Variants in RNLS observed in about 807,000 individuals in gnomAD.
RNLS encodes the protein renalase, FAD dependent amine oxidase.
RNLS carries 39 observed loss-of-function variants against 39.8 expected under a neutral mutation model. The ratio of observed to expected loss-of-function variants is 0.98; its 90% CI spans 0.76 to 1.28. The LOEUF (loss-of-function observed/expected upper bound fraction) is 1.28, where lower values mean the gene tolerates loss of function less well. RNLS is among the 50% of genes most tolerant of loss of function. RNLS has a pLI of 0.00. For synonymous variants in RNLS, 147 were observed against 150.7 expected (o/e 0.98, Z 0.18); for missense variants, 410 against 413.3 (o/e 0.99, Z 0.07).
chr10:88,401,817 T>C (rs1443547276), intron 4 of RNLS, among the ~76,000 whole-genome samples: 2 of 152,002 alleles, frequency 1.3e-5, no homozygotes, highest in Non-Finnish European at 2.9e-5. Context: ...AAATCATACA[T>C]GGCTGCTGAA....
chr10:88,350,413 G>A (rs552193586), intron 5 of RNLS, among the ~76,000 whole-genome samples: 8 of 152,084 alleles, frequency 5.3e-5, no homozygotes, highest in Admixed American at 2.6e-4. Flanking sequence ...CCTGGTGTGC[G>A]ATGTTCTCCT....
chr10:88,447,363 C>T (rs1162892966), intron 4 of RNLS, among the ~76,000 whole-genome samples: 1 of 72,030 alleles, frequency 1.4e-5, no homozygotes, highest in Non-Finnish European at 2.4e-5. Flanking sequence ...TTCTTATACA[C>T]CAATAACAGA....
intron 4 of RNLS, among the ~76,000 whole-genome samples, chr10:88,472,456 A>G (rs1031171865): frequency 9.2e-5 from 14 of 152,164 alleles, no homozygotes; most frequent in Non-Finnish European, 4.4e-5. Flanking sequence ...CTAAAGCAGC[A>G]CGATAGGCAT....
chr10:88,447,334 T>C (rs891488016), intron 4 of RNLS, among the ~76,000 whole-genome samples: 1 of 151,080 alleles, frequency 6.6e-6, no homozygotes, highest in Non-Finnish European at 1.5e-5. Context: ...ACAAAATTAA[T>C]GTGCAAAAAT....
the RNLS span, among the ~76,000 whole-genome samples, chr10:88,175,644 C>A: frequency 6.6e-6 from 1 of 152,262 alleles, no homozygotes; most frequent in African/African-American, 2.4e-5. Context: ...CTTATTGAGA[C>A]TTGTTTTGTG....
rs563698047 is a variant in RNLS at position 88,564,773 on chromosome 10, T to C, written c.526+8130A>G. Among the ~76,000 whole-genome samples, 3 of 152,296 alleles carry C rather than the reference T, an allele frequency of 2.0e-5. 1 individual carries two copies. In the East Asian group the frequency reaches 5.8e-4, roughly 29 times the overall value. On this transcript the variant is annotated intron_variant, in intron 4 of 6. Transcript: ENST00000331772. ...AGTAAATCATAAGAGGGTCACAATA[T>C]GATACATGAGGTTTCTCTATTCTCC...
At chr10:88,456,486 C>T (rs1175924769) in intron 4 of RNLS, among the ~76,000 whole-genome samples, 1 of 151,854 alleles carries the variant, frequency 6.6e-6, no homozygotes, top group Non-Finnish European at 1.5e-5. Flanking sequence ...TAACGCAAAA[C>T]CAAAGTTACA....
chr10:88,315,217 TA>T (rs1386593768), intron 5 of RNLS, among the ~76,000 whole-genome samples: 1 of 152,222 alleles, frequency 6.6e-6, no homozygotes, highest in African/African-American at 2.4e-5. Context: ...TAATCAGCAT[TA>T]AAAATAAAAG....
At chr10:88,406,070 T>G (rs780651774) in intron 4 of RNLS, among the ~76,000 whole-genome samples, 2 of 152,126 alleles carry the variant, frequency 1.3e-5, no homozygotes, top group African/African-American at 4.8e-5. Context: ...TTCTAGCTTG[T>G]AGGGTTTTTG....
intron 3 of RNLS, among the ~76,000 whole-genome samples, 157 bp downstream of exon 3, chr10:88,581,410 C>T (rs1202654868): frequency 6.6e-6 from 1 of 150,788 alleles, no homozygotes; most frequent in Non-Finnish European, 1.5e-5. Flanking sequence ...ACACTGGAAG[C>T]TTATCAATGA....
chr10:88,288,350 T>A (rs1268106842), intron 6 of RNLS, among the ~76,000 whole-genome samples: 3 of 152,130 alleles, frequency 2.0e-5, no homozygotes, highest in Non-Finnish European at 4.4e-5. Flanking sequence ...AGAACTTACA[T>A]TTCCAGCACT....
At chr10:88,343,464 T>G (rs1027907085) in intron 5 of RNLS, 10 of 795,474 alleles carry the variant, frequency 1.3e-5, no homozygotes, top group Non-Finnish European at 1.5e-5. Flanking sequence ...ATAATGAAAG[T>G]AGGCAATCAA....
chr10:88,298,346 G>C (rs1434302756), intron 6 of RNLS, among the ~76,000 whole-genome samples: 2 of 152,084 alleles, frequency 1.3e-5, no homozygotes, highest in African/African-American at 4.8e-5. Flanking sequence ...ATGCAGTCCA[G>C]TCCAAATTAT....
In RNLS at chr10:88,284,464, G is replaced by C. The variant is rs1843136846; in HGVS notation, c.*890C>G. 1.0e-6 allele frequency: 1 copy of C among 985,182 alleles called. No homozygotes were observed. Among genetic ancestry groups the C allele is most frequent in the South Asian group, 4.7e-5 (1 of 21,284 alleles). 61.0% of individuals were successfully genotyped at this position (985,182 alleles called of 1,614,324 possible). On this transcript the variant is annotated 3_prime_UTR_variant, in exon 7 of 7. Coordinates refer to ENST00000331772, the MANE Select transcript of RNLS (RefSeq NM_001031709.3). ...CACTGAAGCATGTGGGTGATATGCT[G>C]AACCACCAACTTGGCAAATATTGAA... is the stretch of plus-strand genomic sequence containing the variant.
intron 4 of RNLS, among the ~76,000 whole-genome samples, chr10:88,476,580 C>G (rs1357025185): frequency 6.6e-6 from 1 of 152,122 alleles, no homozygotes; most frequent in African/African-American, 2.4e-5. Context: ...ATTCCTTTAT[C>G]TTATTCATCA....
At chr10:88,401,288 T>C (rs1852899764) in intron 4 of RNLS, among the ~76,000 whole-genome samples, 1 of 152,058 alleles carries the variant, frequency 6.6e-6, no homozygotes, top group African/African-American at 2.4e-5. Context: ...AACATATTCT[T>C]AGTAAATTAA....
At chr10:88,306,062 C>T (rs1301296710) in intron 6 of RNLS, among the ~76,000 whole-genome samples, 1 of 152,144 alleles carries the variant, frequency 6.6e-6, no homozygotes, top group African/African-American at 2.4e-5. Flanking sequence ...ACTGAATAAC[C>T]TGCTCCTGAA....
intron 4 of RNLS, among the ~76,000 whole-genome samples, chr10:88,371,973 T>C (rs546101527): frequency 4.6e-5 from 7 of 152,138 alleles, no homozygotes; most frequent in Non-Finnish European, 1.0e-4. Flanking sequence ...TAACAATCAA[T>C]GCTTTAAGTG....
At chr10:88,445,686 G>T (rs1032619285) in intron 4 of RNLS, among the ~76,000 whole-genome samples, 11 of 152,142 alleles carry the variant, frequency 7.2e-5, no homozygotes, top group East Asian at 1.9e-4. Context: ...AAAACAGACT[G>T]TAAACCAACA....
Sources: allele counts gnomAD v4.1 joint callset (sites outside exome capture counted in the v4.1 genomes callset), GRCh38; gene constraint gnomAD v4.1.1; transcripts MANE v1.5; gene names NCBI Gene and HGNC (gene_info 2026-07-23, HGNC 2026-07-21).